Variants in RAB31 observed in about 807,000 individuals in gnomAD.
The protein encoded by RAB31 is ras-related protein Rab-31.
Under a neutral mutation model 25.6 loss-of-function variants are expected in RAB31, and 21 were observed. The observed-to-expected ratio is 0.82, with a 90% confidence interval of 0.58 to 1.18. The LOEUF (loss-of-function observed/expected upper bound fraction) is 1.18, where lower values mean the gene tolerates loss of function less well. Among genes scored for constraint, RAB31 ranks in the 50% most tolerant of loss-of-function variants. The pLI is 0.00. For synonymous variants in RAB31, 87 were observed against 84.0 expected, an observed-to-expected ratio of 1.04 and a Z score of -0.20; for missense variants, 196 against 250.1, an observed-to-expected ratio of 0.78 and a Z score of 1.46.
chr18:9,821,188 G>A (rs1004853716), intron 5 of RAB31, among the ~76,000 whole-genome samples: 8 of 151,918 alleles, frequency 5.3e-5, no homozygotes, highest in African/African-American at 1.9e-4. Context: ...TAATTCCATT[G>A]TAATCTGAAA....
chr18:9,714,982 T>C (rs1421761150), intron 1 of RAB31, among the ~76,000 whole-genome samples: 1 of 152,202 alleles, frequency 6.6e-6, no homozygotes. Flanking sequence ...CTGTCTTGGG[T>C]ACCTGCTGTC....
At chr18:9,730,585 G>C (rs1229120360) in intron 1 of RAB31, among the ~76,000 whole-genome samples, 7 of 152,150 alleles carry the variant, frequency 4.6e-5, no homozygotes. Flanking sequence ...ACCACACCCG[G>C]TCCTCACTGT....
In RAB31 at chr18:9,777,847, C is replaced by T. The variant is rs574991531; in HGVS notation, c.119+2490C>T. Among the ~76,000 whole-genome samples the T allele has an allele frequency of 2.5e-4, 37 of 150,656 alleles. No individual in the cohort carries two copies. The East Asian group carries it at 2.7e-3, about 11-fold the overall frequency. On this transcript the variant is annotated intron_variant, in intron 2 of 6. Coordinates refer to ENST00000578921, the MANE Select transcript of RAB31 (RefSeq NM_006868.4). ...TTGGCTCACTGCAACCTCCGCCTCCCGGGTTCAAGCGATTCTCCTGCCTCA... is the reference window on the plus strand; with the variant it reads ...TTGGCTCACTGCAACCTCCGCCTCCTGGGTTCAAGCGATTCTCCTGCCTCA...
At chr18:9,782,232 G>A (rs2068408847) in intron 2 of RAB31, among the ~76,000 whole-genome samples, 1 of 152,218 alleles carries the variant, frequency 6.6e-6, no homozygotes, top group Non-Finnish European at 1.5e-5. Flanking sequence ...TCCTGGCCCT[G>A]GCACTGCCTT....
chr18:9,744,416 T>G (rs2068195430), intron 1 of RAB31, among the ~76,000 whole-genome samples: 1 of 152,266 alleles, frequency 6.6e-6, no homozygotes, highest in South Asian at 2.1e-4. Flanking sequence ...TATGCTTCTC[T>G]GACTTCTCCT....
intron 2 of RAB31, among the ~76,000 whole-genome samples, chr18:9,779,194 A>G (rs1260413986): frequency 1.3e-5 from 2 of 152,240 alleles, no homozygotes; most frequent in Non-Finnish European, 2.9e-5. Context: ...CCTGTAAACT[A>G]AAAGTGCTCT....
chr18:9,745,859 C>CCTCAA (rs2068202837), intron 1 of RAB31, among the ~76,000 whole-genome samples: 1 of 152,178 alleles, frequency 6.6e-6, no homozygotes, highest in Non-Finnish European at 1.5e-5. Flanking sequence ...CCTCAAAGAT[C>CCTCAA]AGGAACAAGA....
chr18:9,815,287 G>C (rs2068595960), intron 5 of RAB31, 65 bp downstream of exon 5: 1 of 983,794 alleles, frequency 1.0e-6, no homozygotes, highest in Non-Finnish European at 1.4e-6. Context: ...CATCCGTGTA[G>C]ATACTGTCCT....
intron 1 of RAB31, among the ~76,000 whole-genome samples, chr18:9,728,749 G>C (rs563443104): frequency 6.6e-6 from 1 of 152,228 alleles, no homozygotes; most frequent in South Asian, 2.1e-4. Context: ...TGTTGGCCAG[G>C]CTGGTCTCGA....
chr18:9,720,612 C>T (rs931889505), intron 1 of RAB31, among the ~76,000 whole-genome samples: 3 of 149,330 alleles, frequency 2.0e-5, no homozygotes, highest in Non-Finnish European at 3.0e-5. Context: ...CCCCAAGATT[C>T]GGTGTCAGAG....
At chr18:9,769,895 T>A (rs1234605303) in intron 1 of RAB31, among the ~76,000 whole-genome samples, 1 of 152,182 alleles carries the variant, frequency 6.6e-6, no homozygotes, top group Non-Finnish European at 1.5e-5. Flanking sequence ...TAGCATGAAG[T>A]CGTGTTGAAT....
At chr18:9,832,860 G>A (rs1256715104) in intron 5 of RAB31, among the ~76,000 whole-genome samples, 2 of 152,212 alleles carry the variant, frequency 1.3e-5, no homozygotes, top group African/African-American at 4.8e-5. Flanking sequence ...ACTCACAGCG[G>A]AAGTCCAAAG....
intron 2 of RAB31, among the ~76,000 whole-genome samples, chr18:9,777,418 C>T (rs1005849699): frequency 6.6e-6 from 1 of 152,168 alleles, no homozygotes; most frequent in Non-Finnish European, 1.5e-5. Flanking sequence ...GTACAAGCAT[C>T]CTTGAAAACA....
chr18:9,781,302 ATTGTGTGCTG>A (rs1439928641), intron 2 of RAB31, among the ~76,000 whole-genome samples: 11 of 152,122 alleles, frequency 7.2e-5, no homozygotes, highest in African/African-American at 2.6e-4. Context: ...GCAGCATGGT[ATTGTGTGCTG>A]TTCTTTTTTC....
intron 2 of RAB31, among the ~76,000 whole-genome samples, chr18:9,776,634 G>A (rs1446166941): frequency 6.6e-6 from 1 of 152,214 alleles, no homozygotes; most frequent in African/African-American, 2.4e-5. Flanking sequence ...CTCAGTTTCA[G>A]GGATGCTGGC....
Position 9,708,319 on chromosome 18 carries a change from G to A in RAB31, c.-87G>A. The A allele has an allele frequency of 9.4e-7, 1 of 1,062,796 alleles. No homozygotes were observed. The highest frequency in any genetic ancestry group is 1.3e-6 in the Non-Finnish European group (1 of 797,152). The allele number at this position is 1,062,796 out of a possible 1,614,324, so 65.8% of individuals were successfully genotyped here. On this transcript the variant is annotated 5_prime_UTR_variant, in exon 1 of 7. Transcript: ENST00000578921. The surrounding 1 kb of genome is among the most constrained non-coding windows in gnomAD (Gnocchi z 6.4). ...TCCGCCCGCGGGCGGCGCGAGCGAG[G>A]GGCAGAGGCGAGAGACGCCGGCGGG...
At chr18:9,835,529 C>T (rs1172634945) in intron 5 of RAB31, among the ~76,000 whole-genome samples, 2 of 152,168 alleles carry the variant, frequency 1.3e-5, no homozygotes, top group Non-Finnish European at 2.9e-5. Context: ...TGACACTGCT[C>T]GTTTGAACCT....
intron 3 of RAB31, among the ~76,000 whole-genome samples, chr18:9,812,800 C>G (rs1176856453): frequency 1.4e-5 from 2 of 146,602 alleles, no homozygotes; most frequent in Non-Finnish European, 3.0e-5. Context: ...CGGGTTCTAG[C>G]ATTTCTCCTG....
chr18:9,743,084 A>G (rs1049164139), intron 1 of RAB31, among the ~76,000 whole-genome samples: 1 of 152,234 alleles, frequency 6.6e-6, no homozygotes, highest in African/African-American at 2.4e-5. Context: ...CATTGTACCA[A>G]GGGAAATGAG....
Sources: gnomAD v4.1 joint callset for allele counts (sites outside exome capture counted in the v4.1 genomes callset) on GRCh38, gnomAD v4.1.1 for gene constraint, Gnocchi (gnomAD v3.1) non-coding constraint, MANE v1.5 for transcripts, NCBI Gene and HGNC (gene_info 2026-07-23, HGNC 2026-07-21) for gene names.